Variants in NTRK3 observed in about 807,000 individuals in gnomAD.
NTRK3 encodes NT-3 growth factor receptor.
A neutral mutation model predicts 91.7 loss-of-function variants in NTRK3; 24 were observed. That is an observed-to-expected ratio of 0.26 (90% CI 0.19 to 0.37). The LOEUF is 0.37. Among genes scored for constraint, NTRK3 ranks in the 10% least tolerant of loss-of-function variants. The probability of loss-of-function intolerance (pLI) is 1.00; values close to 1 mark genes in which losing one functional copy is unlikely to be tolerated. For missense variants in NTRK3, 880 were observed against 1,068.9 expected (o/e 0.82, Z 2.46); for synonymous variants, 483 against 404.0 (o/e 1.20, Z -2.34).
At chr15:87,897,285 T>C (rs991790016) in intron 17 of NTRK3, among the ~76,000 whole-genome samples, 1 of 152,090 alleles carries the variant, frequency 6.6e-6, no homozygotes, top group Non-Finnish European at 1.5e-5. Context: ...ACTTATTTTG[T>C]TTTCCTCTTT....
chr15:87,879,777 A>T (rs1157880122), intron 18 of NTRK3, among the ~76,000 whole-genome samples: 1 of 152,210 alleles, frequency 6.6e-6, no homozygotes, highest in Admixed American at 6.5e-5. Flanking sequence ...GTAATAAAAT[A>T]AACACGGTTT....
At chr15:88,207,729 GCCCCT>G (rs57989783) in intron 3 of NTRK3, among the ~76,000 whole-genome samples, 52,364 of 151,616 alleles carry the variant, frequency 0.35, 10,823 homozygotes, top group East Asian at 0.56. Context: ...ATAAGCCAAG[GCCCCT>G]CCTGGCTTCC....
intron 14 of NTRK3, among the ~76,000 whole-genome samples, chr15:88,014,765 G>A (rs1238148448): frequency 1.3e-5 from 2 of 152,208 alleles, no homozygotes; most frequent in African/African-American, 4.8e-5. Flanking sequence ...ACCGGAGCAG[G>A]TTCTTTGCAG....
chr15:88,012,482 C>T (rs976083346), intron 14 of NTRK3, among the ~76,000 whole-genome samples: 10 of 152,250 alleles, frequency 6.6e-5, no homozygotes, highest in Middle Eastern at 6.8e-3. Flanking sequence ...AGAAATAGCA[C>T]GGAAATCACA....
At chr15:88,036,533 A>G (rs1397973825) in intron 13 of NTRK3, among the ~76,000 whole-genome samples, 1 of 152,194 alleles carries the variant, frequency 6.6e-6, no homozygotes, top group Non-Finnish European at 1.5e-5. Context: ...GAGGGATGTC[A>G]GCAAAACAAG....
chr15:88,172,614 A>G (rs2045620577), intron 5 of NTRK3, among the ~76,000 whole-genome samples: 2 of 152,234 alleles, frequency 1.3e-5, no homozygotes, highest in Non-Finnish European at 2.9e-5. Context: ...CTGAAATCAG[A>G]AAGAACAGTC....
At chr15:87,877,486 G>C (rs926959447) in intron 18 of NTRK3, among the ~76,000 whole-genome samples, 1 of 152,068 alleles carries the variant, frequency 6.6e-6, no homozygotes, top group Admixed American at 6.6e-5. Flanking sequence ...GTGGACATGG[G>C]CTTCTGACCT....
intron 9 of NTRK3, 96 bp downstream of exon 9, chr15:88,135,803 C>A: frequency 6.7e-7 from 1 of 1,496,130 alleles, no homozygotes; most frequent in South Asian, 1.2e-5. Context: ...CAGCTCACTG[C>A]TCTAGCTCAC....
At chr15:88,059,855 A>T (rs1035462479) in intron 13 of NTRK3, among the ~76,000 whole-genome samples, 1 of 152,234 alleles carries the variant, frequency 6.6e-6, no homozygotes, top group African/African-American at 2.4e-5. Flanking sequence ...CCCTAACCCA[A>T]TGTCACTGGT....
At chr15:87,868,925 A>G (rs541661221) in exon 19 of NTRK3, 2 of 226,542 alleles carry the variant, frequency 8.8e-6, no homozygotes, top group East Asian at 6.3e-5. Flanking sequence ...TGTCCGGCCT[A>G]GACGCAGTCA....
intron 14 of NTRK3, among the ~76,000 whole-genome samples, chr15:88,010,281 C>A (rs1444353002): frequency 6.6e-6 from 1 of 152,172 alleles, no homozygotes; most frequent in Admixed American, 6.5e-5. Flanking sequence ...AATAGCCCTG[C>A]CATCTGCTTT....
chr15:88,175,576 A>G (rs908340341), intron 5 of NTRK3, among the ~76,000 whole-genome samples: 7 of 152,186 alleles, frequency 4.6e-5, no homozygotes, highest in Non-Finnish European at 8.8e-5. Context: ...TAGAATATCA[A>G]TTTTAGATGA....
intron 13 of NTRK3, among the ~76,000 whole-genome samples, chr15:88,124,966 C>T (rs933865769): frequency 6.6e-6 from 1 of 152,192 alleles, no homozygotes; most frequent in African/African-American, 2.4e-5. Flanking sequence ...ACAGGGCACC[C>T]TGTACCCATT....
At chr15:87,874,096 C>G (rs1344499967) in exon 19 of NTRK3, 1 of 229,626 alleles carries the variant, frequency 4.4e-6, no homozygotes. Context: ...TCAGTCCTGT[C>G]CCAATATAGG....
At chr15:87,899,885 G>T (rs545796863) in intron 17 of NTRK3, among the ~76,000 whole-genome samples, 1 of 152,148 alleles carries the variant, frequency 6.6e-6, no homozygotes, top group Admixed American at 6.6e-5. Flanking sequence ...TTTGATAAGG[G>T]CAAGGAGAAG....
At chr15:88,022,503 A>T (rs2077673883) in intron 14 of NTRK3, among the ~76,000 whole-genome samples, 1 of 152,236 alleles carries the variant, frequency 6.6e-6, no homozygotes, top group Non-Finnish European at 1.5e-5. Context: ...TCTCTGGGAA[A>T]TCTTGAGCTA....
chr15:88,025,945 A>T, intron 14 of NTRK3, among the ~76,000 whole-genome samples: 1 of 152,092 alleles, frequency 6.6e-6, no homozygotes, highest in Non-Finnish European at 1.5e-5. Context: ...GGGACAAGAA[A>T]GACTTTGTCT....
At chr15:88,093,374 T>C (rs912390064) in intron 13 of NTRK3, among the ~76,000 whole-genome samples, 3 of 152,076 alleles carry the variant, frequency 2.0e-5, no homozygotes, top group Non-Finnish European at 2.9e-5. Context: ...TAGGGTAGCA[T>C]GATTAGAAAG....
At chr15:88,032,474 G>C (rs939124114) in intron 14 of NTRK3, among the ~76,000 whole-genome samples, 1 of 152,130 alleles carries the variant, frequency 6.6e-6, no homozygotes, top group Non-Finnish European at 1.5e-5. Context: ...AGGCTTGGGT[G>C]GAGGTTCTGG....
Sources: gnomAD v4.1 joint callset for allele counts (sites outside exome capture counted in the v4.1 genomes callset) on GRCh38, gnomAD v4.1.1 for gene constraint, MANE v1.5 for transcripts, NCBI Gene and HGNC (gene_info 2026-07-23, HGNC 2026-07-21) for gene names.